Variants in FYTTD1 observed in about 807,000 individuals in gnomAD.
The protein encoded by FYTTD1 is UAP56-interacting factor.
A neutral mutation model predicts 40.9 loss-of-function variants in FYTTD1; 22 were observed. That is an observed-to-expected ratio of 0.54 (90% CI 0.38 to 0.77). FYTTD1 has a LOEUF of 0.77. Ranked by LOEUF, FYTTD1 falls within the 30% of genes least tolerant of loss-of-function variation. The pLI is 0.00. For synonymous variants in FYTTD1, 140 were observed against 137.9 expected (o/e 1.01, Z -0.10); for missense variants, 351 against 392.2 (o/e 0.90, Z 0.89).
intron 7 of FYTTD1, among the ~76,000 whole-genome samples, chr3:197,777,577 A>T (rs116003094): frequency 0.011 from 1,653 of 152,238 alleles, 26 homozygotes; most frequent in African/African-American, 0.038. Flanking sequence ...AAACGAGATG[A>T]TGGTATACAT....
chr3:197,775,897 C>T (rs1477652521), intron 6 of FYTTD1, among the ~76,000 whole-genome samples: 1 of 152,072 alleles, frequency 6.6e-6, no homozygotes, highest in Non-Finnish European at 1.5e-5. Flanking sequence ...AGACAAAGCA[C>T]AAAATAGTTA....
chr3:197,763,538 A>C (rs1376634543), intron 2 of FYTTD1: 1 of 453,982 alleles, frequency 2.2e-6, no homozygotes, highest in Non-Finnish European at 4.4e-6. Flanking sequence ...GCACTTTGGG[A>C]GGTGAGAGCA....
chr3:197,772,949 A>C (rs1729760942), intron 4 of FYTTD1, among the ~76,000 whole-genome samples: 1 of 152,184 alleles, frequency 6.6e-6, no homozygotes, highest in Non-Finnish European at 1.5e-5. Flanking sequence ...CTGAGTGAGG[A>C]AGGAAGAGAA....
intron 6 of FYTTD1, among the ~76,000 whole-genome samples, chr3:197,774,623 C>G (rs551936666): frequency 6.6e-6 from 1 of 151,808 alleles, no homozygotes; most frequent in South Asian, 2.1e-4. Flanking sequence ...AGCAGCATAG[C>G]TCGATGACCA....
chr3:197,761,815 A>G (rs1219663024), intron 2 of FYTTD1, among the ~76,000 whole-genome samples: 1 of 152,234 alleles, frequency 6.6e-6, no homozygotes, highest in Non-Finnish European at 1.5e-5. Flanking sequence ...TAATTAAAGT[A>G]GATTGAATGC....
Position 197,782,013 on chromosome 3 carries a change from G to C in FYTTD1, c.*104G>C. 1.9e-6 allele frequency: 1 copy of C among 531,070 alleles called. No homozygotes were observed. The highest frequency in any genetic ancestry group is 3.2e-6 in the Non-Finnish European group (1 of 310,556). The allele number at this position is 531,070 out of a possible 1,614,324, so 32.9% of individuals were successfully genotyped here. ...AACTTTACTTCAAAATATTCACAAG[G>C]CTAAATAACTCTTATTTTTATTTTT... On this transcript the variant is annotated 3_prime_UTR_variant, in exon 9 of 9. Coordinates refer to ENST00000241502, the MANE Select transcript of FYTTD1 (RefSeq NM_032288.7).
intron 1 of FYTTD1, among the ~76,000 whole-genome samples, chr3:197,753,013 T>G (rs937874242): frequency 1.3e-5 from 2 of 152,196 alleles, no homozygotes; most frequent in African/African-American, 4.8e-5. Flanking sequence ...GAGGGGTAGT[T>G]CTCTTGGAGG....
chr3:197,782,054 T>TTTTA lies in FYTTD1; in HGVS notation c.*145_*146insTTTA. ...TTTTATTTTTGAAGGTTTTTTTTTT[T>TTTTA]AAAAAAAAAAACGTATAAAATAATG... On this transcript the variant is annotated 3_prime_UTR_variant, in exon 9 of 9. Coordinates refer to ENST00000241502, the MANE Select transcript of FYTTD1 (RefSeq NM_032288.7). 2.9e-6 allele frequency: 1 copy of TTTTA among 341,146 alleles called. No individual in the cohort carries two copies. The highest frequency in any genetic ancestry group is 5.5e-6 in the Non-Finnish European group (1 of 183,342). The allele number at this position is 341,146 out of a possible 1,614,324, so 21.1% of individuals were successfully genotyped here. A position where few individuals can be genotyped will look rare whatever the true frequency, so the allele number is the denominator to read the frequency against.
chr3:197,763,022 A>G (rs1407443245), intron 2 of FYTTD1, among the ~76,000 whole-genome samples: 1 of 152,310 alleles, frequency 6.6e-6, no homozygotes, highest in East Asian at 1.9e-4. Context: ...ATAAAAGTTA[A>G]AATTTGTTCT....
rs1445854642 is a variant in FYTTD1 at position 197,776,949 on chromosome 3, G to A, written c.679G>A (p.Gly227Arg). Residue 227 changes from glycine to arginine, a missense_variant, in exon 7 of 9, where the codon GGA becomes AGA. Gly to Arg is a moderately radical substitution (Grantham distance 125). Coordinates refer to ENST00000241502, the MANE Select transcript of FYTTD1 (RefSeq NM_032288.7). ...TRQWRTSTTNGGILTVSIDNP... is the reference protein window; with the variant it reads ...TRQWRTSTTNRGILTVSIDNP... The stretch of plus-strand genomic sequence containing the variant: ...TAGATGGCGGACTTCCACCACAAAT[G>A]GAGGGATTTTGACTGTATCTATTGA... 8.1e-6 allele frequency: 13 copies of A among 1,611,424 alleles called. No homozygotes were observed. Among genetic ancestry groups the A allele is most frequent in the Non-Finnish European group, 1.1e-5 (13 of 1,178,272 alleles).
intron 4 of FYTTD1, among the ~76,000 whole-genome samples, chr3:197,771,614 A>G (rs920192429): frequency 1.5e-4 from 22 of 151,636 alleles, no homozygotes; most frequent in African/African-American, 4.6e-4. Flanking sequence ...CGTCTCTACT[A>G]AAAATACAAA....
At chr3:197,772,206 G>T (rs1729741136) in intron 4 of FYTTD1, among the ~76,000 whole-genome samples, 3 of 152,220 alleles carry the variant, frequency 2.0e-5, no homozygotes, top group African/African-American at 7.2e-5. Context: ...TCTCAAATAA[G>T]AACCCATCAT....
At chr3:197,759,548 C>T (rs912194502) in intron 2 of FYTTD1, among the ~76,000 whole-genome samples, 1 of 150,962 alleles carries the variant, frequency 6.6e-6, no homozygotes, top group African/African-American at 2.4e-5. Flanking sequence ...AGTTGTTCCT[C>T]AGTGGTAGAA....
In FYTTD1 at chr3:197,768,559, C is replaced by T; in HGVS notation, c.356C>T (p.Pro119Leu). The change falls in exon 3 of 9, where the codon CCT (proline) becomes CTT (leucine). Residue 119 changes from proline to leucine, a missense_variant. Physicochemically the swap from Pro to Leu is moderately conservative, Grantham distance 98. Transcript: ENST00000241502. ...KTTGIRKGIS[P>L]MNRPPLSDKN... The stretch of plus-strand genomic sequence containing the variant: ...ACTGGAATTCGAAAAGGAATTAGTC[C>T]TATGAATCGTCCACCTCTAAGTGAC... 1 of 1,613,776 alleles carries T rather than the reference C, an allele frequency of 6.2e-7. No homozygotes were observed. Among genetic ancestry groups the T allele is most frequent in the Non-Finnish European group, 8.5e-7 (1 of 1,179,800 alleles).
chr3:197,774,573 C>T (rs1729815838), intron 6 of FYTTD1, among the ~76,000 whole-genome samples: 1 of 151,894 alleles, frequency 6.6e-6, no homozygotes, highest in African/African-American at 2.4e-5. Context: ...TGCACACCAT[C>T]CTGAGCAGCA....
intron 5 of FYTTD1, 51 bp from the exon 6 acceptor site, chr3:197,774,098 A>T: frequency 6.8e-7 from 1 of 1,470,036 alleles, no homozygotes; most frequent in Non-Finnish European, 9.5e-7. Flanking sequence ...CGCTCTTTGG[A>T]TTCAAATCCT....
intron 2 of FYTTD1, chr3:197,763,372 C>G: frequency 3.3e-6 from 1 of 301,608 alleles, no homozygotes; most frequent in South Asian, 2.8e-5. Flanking sequence ...CGAGATCGCA[C>G]CATTGCACTC....
intron 8 of FYTTD1, among the ~76,000 whole-genome samples, chr3:197,780,266 C>T (rs919178332): frequency 5.9e-5 from 9 of 152,174 alleles, no homozygotes; most frequent in Admixed American, 1.3e-4. Flanking sequence ...GATAGGGTTT[C>T]GCTACATTGC....
chr3:197,768,702 G>A, intron 3 of FYTTD1, 115 bp downstream of exon 3: 2 of 763,246 alleles, frequency 2.6e-6, no homozygotes, highest in Non-Finnish European at 3.8e-6. Context: ...CTTTGGGACT[G>A]ATATAAAAAA....
Sources: allele counts gnomAD v4.1 joint callset (sites outside exome capture counted in the v4.1 genomes callset), GRCh38; gene constraint gnomAD v4.1.1; transcripts MANE v1.5; gene names NCBI Gene and HGNC (gene_info 2026-07-23, HGNC 2026-07-21).